The following ATXN1 variants were observed in gnomAD, a reference collection of about 807,000 sequenced individuals.
ATXN1 encodes ataxin-1.
ATXN1 carries 8 observed loss-of-function variants against 56.4 expected under a neutral mutation model. The observed-to-expected ratio is 0.14, with a 90% confidence interval of 0.08 to 0.26. The LOEUF is 0.26. ATXN1 is among the 10% of genes least tolerant of loss of function. The pLI is 1.00. For missense variants in ATXN1, 987 were observed against 1,106.5 expected (o/e 0.89, Z 1.53); for synonymous variants, 514 against 494.6 (o/e 1.04, Z -0.52).
chr6:16,741,308 T>C (rs1189407095), intron 2 of ATXN1, among the ~76,000 whole-genome samples: 3 of 152,142 alleles, frequency 2.0e-5, no homozygotes, highest in Non-Finnish European at 4.4e-5. Context: ...TCTGGATAAC[T>C]GTGGTTTTAA....
chr6:16,556,676 G>T (rs1762020342), intron 4 of ATXN1, among the ~76,000 whole-genome samples: 1 of 152,084 alleles, frequency 6.6e-6, no homozygotes, highest in South Asian at 2.1e-4. Flanking sequence ...TGTTAATGGG[G>T]GAACATGAGA....
chr6:16,395,860 CA>C (rs1416807820), intron 6 of ATXN1, among the ~76,000 whole-genome samples: 1 of 151,816 alleles, frequency 6.6e-6, no homozygotes, highest in South Asian at 2.1e-4. Context: ...ACTAAAAATA[CA>C]AAAATTAGCT....
intron 5 of ATXN1, among the ~76,000 whole-genome samples, chr6:16,496,198 C>T (rs1376389195): frequency 6.6e-6 from 1 of 152,148 alleles, no homozygotes; most frequent in Admixed American, 6.5e-5. Flanking sequence ...GACAAAGGTG[C>T]TATTGAAAAC....
rs755520861 is a variant in ATXN1, at chr6:16,327,809, G to A, written c.502C>T (p.Pro168Ser). 1.2e-6 allele frequency: 2 copies of A among 1,609,788 alleles called. No individual in the cohort carries two copies. Among genetic ancestry groups the A allele is most frequent in the Non-Finnish European group, 1.7e-6 (2 of 1,179,980 alleles). The change falls in exon 7 of 8, where the codon CCA (proline) becomes TCA (serine). Residue 168 changes from proline (P) to serine (S), a missense_variant. Physicochemically the swap from Pro to Ser is moderately conservative, Grantham distance 74. This residue lies in a region of ATXN1 where 723 missense variants were observed against 791.7 expected (regional missense o/e 0.91). Transcript: ENST00000436367. Reference protein sequence around the residue: ...AVASAAGATTPSQRSQLEAYS... With the variant: ...AVASAAGATTSSQRSQLEAYS... ...GCCTCCAGCTGGGAGCGCTGGGATG[G>A]AGTGGTGGCCCCTGCGGCCGAGGCC... is the stretch of plus-strand genomic sequence containing the variant.
At chr6:16,382,521 C>T (rs1297378360) in intron 6 of ATXN1, among the ~76,000 whole-genome samples, 1 of 151,980 alleles carries the variant, frequency 6.6e-6, no homozygotes, top group Admixed American at 6.6e-5. Context: ...ATAAGATTAG[C>T]TAAGAAAATT....
At chr6:16,753,598 T>A (rs1348503768) in intron 1 of ATXN1, among the ~76,000 whole-genome samples, 1 of 152,200 alleles carries the variant, frequency 6.6e-6, no homozygotes, top group African/African-American at 2.4e-5. Flanking sequence ...ATTAAGAGGA[T>A]GGTCTCCCCA....
chr6:16,310,174 T>C (rs1760357338), intron 7 of ATXN1, among the ~76,000 whole-genome samples: 1 of 151,394 alleles, frequency 6.6e-6, no homozygotes. Context: ...CAGTAGACAA[T>C]GGAGACAATG....
intron 1 of ATXN1, chr6:16,754,503 A>G (rs1760828208): frequency 6.6e-6 from 1 of 152,202 alleles, no homozygotes; most frequent in African/African-American, 2.4e-5. Flanking sequence ...ACATGGCAAC[A>G]CATCTCGGTA....
intron 7 of ATXN1, among the ~76,000 whole-genome samples, chr6:16,315,819 T>G (rs1313663439): frequency 1.3e-5 from 2 of 152,116 alleles, no homozygotes; most frequent in Non-Finnish European, 2.9e-5. Context: ...TGCACCACCA[T>G]GTCCAGCTAA....
At chr6:16,699,687 A>G (rs1759241133) in intron 2 of ATXN1, among the ~76,000 whole-genome samples, 1 of 152,214 alleles carries the variant, frequency 6.6e-6, no homozygotes, top group South Asian at 2.1e-4. Context: ...ATAAGAAGAA[A>G]AAGAAGCACT....
intron 2 of ATXN1, among the ~76,000 whole-genome samples, chr6:16,670,766 A>G (rs1040599269): frequency 6.6e-6 from 1 of 152,224 alleles, no homozygotes; most frequent in South Asian, 2.1e-4. Context: ...ATGATTTTGG[A>G]TATTTTTAAG....
chr6:16,756,489 T>C (rs1434630510), intron 1 of ATXN1, among the ~76,000 whole-genome samples: 1 of 152,216 alleles, frequency 6.6e-6, no homozygotes, highest in Non-Finnish European at 1.5e-5. Flanking sequence ...TTGCTTTCAA[T>C]GCTTTTATCA....
At chr6:16,374,608 G>A (rs1351239476) in intron 6 of ATXN1, among the ~76,000 whole-genome samples, 1 of 152,200 alleles carries the variant, frequency 6.6e-6, no homozygotes, top group Non-Finnish European at 1.5e-5. Flanking sequence ...AGGTATAAAT[G>A]GTGATGTATC....
intron 6 of ATXN1, among the ~76,000 whole-genome samples, chr6:16,355,479 G>C (rs1246478869): frequency 6.6e-6 from 1 of 152,202 alleles, no homozygotes; most frequent in East Asian, 1.9e-4. Flanking sequence ...CTTGGTGGGG[G>C]AGGAGAAGCC....
intron 4 of ATXN1, among the ~76,000 whole-genome samples, chr6:16,549,896 C>CGA (rs746447922): frequency 1.5e-5 from 1 of 66,784 alleles, no homozygotes; most frequent in Non-Finnish European, 2.7e-5. Flanking sequence ...AACTCTGTCT[C>CGA]AAAAAAAAAA....
At chr6:16,551,048 A>C in intron 4 of ATXN1, among the ~76,000 whole-genome samples, 1 of 152,194 alleles carries the variant, frequency 6.6e-6, no homozygotes, top group Non-Finnish European at 1.5e-5. Context: ...GGCTTTTCAG[A>C]GGGGATAATT....
At chr6:16,325,350 T>G (rs1210793564) in intron 7 of ATXN1, among the ~76,000 whole-genome samples, 1 of 152,042 alleles carries the variant, frequency 6.6e-6, no homozygotes, top group Non-Finnish European at 1.5e-5. Flanking sequence ...ACTCCTGACC[T>G]CTGGTGATCC....
chr6:16,595,606 G>C (rs532289830), intron 3 of ATXN1, among the ~76,000 whole-genome samples: 2 of 152,334 alleles, frequency 1.3e-5, no homozygotes, highest in South Asian at 4.1e-4. Flanking sequence ...CAGTCAGTGT[G>C]TTCTTTCTCC....
chr6:16,449,896 G>C (rs1180168030), intron 6 of ATXN1, among the ~76,000 whole-genome samples: 1 of 152,238 alleles, frequency 6.6e-6, no homozygotes, highest in Non-Finnish European at 1.5e-5. Flanking sequence ...GGAAACTGAA[G>C]TTAAAGAAGA....
Sources: allele counts gnomAD v4.1 joint callset (sites outside exome capture counted in the v4.1 genomes callset), GRCh38; gene constraint gnomAD v4.1.1; regional missense constraint gnomAD v4.1.1; transcripts MANE v1.5; gene names NCBI Gene and HGNC (gene_info 2026-07-23, HGNC 2026-07-21).